Variants in PLCB4 observed in about 807,000 individuals in gnomAD.
PLCB4 encodes the protein phospholipase C beta 4.
Under a neutral mutation model 178.8 loss-of-function variants are expected in PLCB4, and 77 were observed. That is an observed-to-expected ratio of 0.43 (90% CI 0.36 to 0.52). PLCB4 has a LOEUF of 0.52. Ranked by LOEUF, PLCB4 falls within the 20% of genes least tolerant of loss-of-function variation. The probability of loss-of-function intolerance (pLI) is 0.00; values close to 1 mark genes in which losing one functional copy is unlikely to be tolerated. For synonymous variants in PLCB4, 496 were observed against 490.8 expected (o/e 1.01, Z -0.14); for missense variants, 1,024 against 1,453.4 (o/e 0.70, Z 4.80).
chr20:9,216,203 G>T (rs1316811790), intron 2 of PLCB4, among the ~76,000 whole-genome samples: 1 of 151,238 alleles, frequency 6.6e-6, no homozygotes, highest in East Asian at 1.9e-4. Context: ...TTTTTGAGAT[G>T]GAGTTTTTGT....
intron 1 of PLCB4, among the ~76,000 whole-genome samples, chr20:9,088,580 A>G (rs1012573227): frequency 1.3e-5 from 2 of 152,332 alleles, no homozygotes; most frequent in African/African-American, 4.8e-5. Flanking sequence ...TAATGAATCA[A>G]GTCATGGTGA....
At chr20:9,215,635 T>A (rs1267176401) in intron 2 of PLCB4, among the ~76,000 whole-genome samples, 1 of 152,206 alleles carries the variant, frequency 6.6e-6, no homozygotes, top group Non-Finnish European at 1.5e-5. Context: ...TTTTTTCCAT[T>A]TTAATTATAA....
chr20:9,145,944 G>A (rs1386587837), intron 2 of PLCB4, among the ~76,000 whole-genome samples: 2 of 152,074 alleles, frequency 1.3e-5, no homozygotes, highest in Non-Finnish European at 2.9e-5. Context: ...TGCATGTTTG[G>A]GCTAGAGTGT....
intron 3 of PLCB4, among the ~76,000 whole-genome samples, chr20:9,232,048 A>T (rs2093938937): frequency 6.6e-6 from 1 of 152,210 alleles, no homozygotes; most frequent in African/African-American, 2.4e-5. Context: ...GAGGCACCTC[A>T]CAAAATAATA....
chr20:9,316,359 G>A (rs564403296), intron 4 of PLCB4, among the ~76,000 whole-genome samples: 1 of 152,024 alleles, frequency 6.6e-6, no homozygotes, highest in Admixed American at 6.6e-5. Context: ...CGAGGTGTTT[G>A]GATTTCGTTC....
chr20:9,379,854 G>A (rs555000950), intron 12 of PLCB4, among the ~76,000 whole-genome samples, 200 bp from the exon 13 acceptor site: 10 of 152,216 alleles, frequency 6.6e-5, no homozygotes, highest in Admixed American at 6.5e-4. Flanking sequence ...TTCAGGGAGA[G>A]TAACCCAAAA....
intron 25 of PLCB4, among the ~76,000 whole-genome samples, chr20:9,414,195 A>G (rs1006647721): frequency 6.6e-6 from 1 of 152,392 alleles, no homozygotes; most frequent in African/African-American, 2.4e-5. Context: ...AAGCTGAAAA[A>G]TAGCCTGTGC....
chr20:9,330,613 TC>T (rs1353209156), intron 4 of PLCB4, among the ~76,000 whole-genome samples: 1 of 152,116 alleles, frequency 6.6e-6, no homozygotes, highest in Non-Finnish European at 1.5e-5. Context: ...TGAACCTTTT[TC>T]CCCCCTTCTC....
At chr20:9,194,955 G>T (rs2093452808) in intron 2 of PLCB4, among the ~76,000 whole-genome samples, 1 of 152,250 alleles carries the variant, frequency 6.6e-6, no homozygotes, top group East Asian at 1.9e-4. Context: ...GTAAGCAATG[G>T]ATCAGACTGT....
At chr20:9,195,878 C>T (rs1393765834) in intron 2 of PLCB4, among the ~76,000 whole-genome samples, 3 of 152,166 alleles carry the variant, frequency 2.0e-5, no homozygotes, top group Non-Finnish European at 4.4e-5. Flanking sequence ...CTTCAGGATT[C>T]ATCTTGCCTA....
intron 1 of PLCB4, among the ~76,000 whole-genome samples, chr20:9,094,160 T>A (rs2090804310): frequency 6.6e-6 from 1 of 152,176 alleles, no homozygotes; most frequent in Non-Finnish European, 1.5e-5. Flanking sequence ...AAAGGTGTAT[T>A]TAACTACCTA....
intron 28 of PLCB4, among the ~76,000 whole-genome samples, chr20:9,426,564 A>G (rs2041023966): frequency 6.6e-6 from 1 of 152,004 alleles, no homozygotes; most frequent in African/African-American, 2.4e-5. Flanking sequence ...TTTAGTAGAG[A>G]CGGGGTTTCA....
At chr20:9,222,581 C>G (rs574913586) in intron 3 of PLCB4, among the ~76,000 whole-genome samples, 1 of 152,092 alleles carries the variant, frequency 6.6e-6, no homozygotes, top group Non-Finnish European at 1.5e-5. Flanking sequence ...CTGGAATGTC[C>G]AAAATCACAG....
chr20:9,365,510 A>C lies in PLCB4; in HGVS notation c.499A>C (p.Arg167=). 6.3e-7 allele frequency: 1 copy of C among 1,599,208 alleles called. No homozygotes were observed. The change falls in exon 9 of 40, where the codon AGG becomes CGG. Residue 167 remains arginine (R), a synonymous_variant. Transcript: ENST00000378473. ...CAACACAAATGGTAAAATTCCAGTT[A>C]GGAGGTAAGTAATCATTCCTATCTG... ...MTNTNGKIPV[R]SITRTFASGK...
intron 1 of PLCB4, among the ~76,000 whole-genome samples, chr20:9,092,774 G>C (rs2090740362): frequency 6.6e-6 from 1 of 152,070 alleles, no homozygotes; most frequent in South Asian, 2.1e-4. Context: ...GTGTGAGATG[G>C]CTCTGCACCA....
At chr20:9,397,631 C>T (rs767774589) in intron 19 of PLCB4, among the ~76,000 whole-genome samples, 1 of 152,178 alleles carries the variant, frequency 6.6e-6, no homozygotes, top group Non-Finnish European at 1.5e-5. Context: ...GACTGTGGAA[C>T]AGACTTTATA....
At chr20:9,143,289 CA>C (rs1334925698) in intron 2 of PLCB4, among the ~76,000 whole-genome samples, 1 of 152,128 alleles carries the variant, frequency 6.6e-6, no homozygotes, top group Non-Finnish European at 1.5e-5. Flanking sequence ...CATGCATGGA[CA>C]TCTTCAATGC....
At chr20:9,317,776 G>A (rs79467192) in intron 4 of PLCB4, among the ~76,000 whole-genome samples, 2,575 of 152,268 alleles carry the variant, frequency 0.017, 35 homozygotes, top group Non-Finnish European at 0.025. Flanking sequence ...GCTGCCAGCT[G>A]CACAAAGAAA....
intron 1 of PLCB4, among the ~76,000 whole-genome samples, chr20:9,092,341 G>C (rs183276940): frequency 1.4e-3 from 206 of 152,204 alleles, no homozygotes; most frequent in African/African-American, 4.7e-3. Flanking sequence ...GTGTGGCTCG[G>C]TAGAGTGATG....
Sources: gnomAD v4.1 joint callset for allele counts (sites outside exome capture counted in the v4.1 genomes callset) on GRCh38, gnomAD v4.1.1 for gene constraint, MANE v1.5 for transcripts, NCBI Gene and HGNC (gene_info 2026-07-23, HGNC 2026-07-21) for gene names.